GFI1B: variants seen among roughly 807,000 people sequenced by gnomAD.
The protein encoded by GFI1B is zinc finger protein Gfi-1b.
GFI1B carries 20 observed loss-of-function variants against 35.3 expected under a neutral mutation model. That is an observed-to-expected ratio of 0.57 (90% CI 0.40 to 0.82). GFI1B has a LOEUF of 0.82. GFI1B is among the 40% of genes least tolerant of loss of function. The pLI is 0.00. For synonymous variants in GFI1B, 178 were observed against 177.6 expected (o/e 1.00, Z -0.02); for missense variants, 430 against 446.3 (o/e 0.96, Z 0.33).
intron 1 of GFI1B, chr9:132,963,783 CA>C (rs1310513074): frequency 2.6e-5 from 4 of 151,584 alleles, no homozygotes; most frequent in Admixed American, 6.6e-5. Context: ...GGTTTTTGCC[CA>C]AAAGCCTCTC....
Position 132,987,386 on chromosome 9 carries a change from G to A in GFI1B, c.205G>A (p.Asp69Asn). 6.2e-7 allele frequency: 1 copy of A among 1,614,238 alleles called. No homozygotes were observed. Among genetic ancestry groups the A allele is most frequent in the Non-Finnish European group, 8.5e-7 (1 of 1,180,044 alleles). Residue 69 changes from aspartate (D) to asparagine (N), a missense_variant, in exon 3 of 7, where the codon GAC becomes AAC. By Grantham distance (23) the Asp-to-Asn change is conservative. Coordinates refer to ENST00000372122, the MANE Select transcript of GFI1B (RefSeq NM_001377304.1). ...NLKREPELEQ[D>N]QNLARMAPAP... ...CAAACGAGAGCCGGAGCTGGAGCAG[G>A]ACCAGAACTTGGCCAGGATGGCCCC...
chr9:132,989,870 G>A lies in GFI1B; in HGVS notation c.777G>A (p.Gln259=), dbSNP rs1356951856. 1 of 1,614,244 alleles carries A rather than the reference G, an allele frequency of 6.2e-7. No individual in the cohort carries two copies. The highest frequency in any genetic ancestry group is 1.1e-5 in the South Asian group (1 of 91,088). The change falls in exon 6 of 7, where the codon CAG becomes CAA. Residue 259 remains glutamine (Q), a synonymous_variant. Transcript: ENST00000372122. The surrounding 1 kb of genome is among the most constrained non-coding windows in gnomAD (Gnocchi z 6.2). Reference sequence around the variant, plus strand: ...AGTTCTGCGGCAAGCGTTTCCACCAGAAGTCCGACATGAAGAAGCACACCT... The same window carrying A: ...AGTTCTGCGGCAAGCGTTTCCACCAAAAGTCCGACATGAAGAAGCACACCT... The part of the protein sequence containing the change: ...PCQFCGKRFH[Q]KSDMKKHTYI...
rs1848345563 is a variant in GFI1B, at chr9:132,960,496, T to A, written c.-700-12229T>A. 1.3e-5 allele frequency among the ~76,000 whole-genome samples: 2 copies of A among 151,946 alleles called. 1 individual carries two copies. Among genetic ancestry groups the A allele is most frequent in the South Asian group, 4.1e-4 (2 of 4,828 alleles). On this transcript the variant is annotated intron_variant, in intron 1 of 10. Transcript: ENST00000339463. ...ATCTTGACATTGATGCCTGCCAATT[T>A]TATTTATTTATGTATTTATTGAGAC...
intron 1 of GFI1B, among the ~76,000 whole-genome samples, chr9:132,970,107 G>A (rs1270842426): frequency 6.6e-6 from 1 of 152,118 alleles, no homozygotes; most frequent in East Asian, 1.9e-4. Flanking sequence ...TTTCCTAAAT[G>A]GGTTTTTTAT....
intron 1 of GFI1B, chr9:132,963,628 C>T (rs1402272929): frequency 6.6e-5 from 10 of 151,922 alleles, no homozygotes; most frequent in African/African-American, 2.2e-4. Flanking sequence ...GCTAGGATTA[C>T]AGGTGTGAGC....
At chr9:132,986,280 C>T (rs942461552) in intron 1 of GFI1B, among the ~76,000 whole-genome samples, 21 of 147,822 alleles carry the variant, frequency 1.4e-4, no homozygotes, top group Non-Finnish European at 2.7e-4. Flanking sequence ...ATAGAAGCTC[C>T]GAGTTCTGGC....
At chr9:132,973,604 G>A (rs1848572193) in intron 2 of GFI1B, among the ~76,000 whole-genome samples, 1 of 152,228 alleles carries the variant, frequency 6.6e-6, no homozygotes, top group African/African-American at 2.4e-5. Flanking sequence ...GGATTGTGGG[G>A]CGTCTGGGAG....
In GFI1B at chr9:132,989,082, C is replaced by T; in HGVS notation, c.532C>T (p.Leu178Phe). Residue 178 changes from leucine (L) to phenylalanine (F), a missense_variant, in exon 5 of 7, where the codon CTC (leucine) becomes TTC (phenylalanine). Leu to Phe is a conservative substitution (Grantham distance 22, BLOSUM62 0). Coordinates refer to ENST00000372122, the MANE Select transcript of GFI1B (RefSeq NM_001377304.1). The surrounding 1 kb of genome is among the most constrained non-coding windows in gnomAD (Gnocchi z 6.2). ...CNKVFSTPHG[L>F]EVHVRRSHSG... is the part of the protein sequence containing the mutation. The stretch of plus-strand genomic sequence containing the variant: ...CCAGGTCTTCTCCACCCCTCACGGG[C>T]TCGAAGTGCATGTGCGACGCTCCCA... 2.5e-6 allele frequency: 4 copies of T among 1,614,078 alleles called. No individual in the cohort carries two copies. Among genetic ancestry groups the T allele is most frequent in the Admixed American group, 1.7e-5 (1 of 60,034 alleles).
At chr9:132,975,997 A>G (rs10121513), upstream of GFI1B, among the ~76,000 whole-genome samples, 40,794 of 152,044 alleles carry the variant, frequency 0.27, 5,939 homozygotes, top group East Asian at 0.49. Context: ...ATCAAGGGGA[A>G]CCTGGGTGGC....
chr9:132,958,366 G>A (rs1848314441), intron 1 of GFI1B, among the ~76,000 whole-genome samples: 1 of 152,148 alleles, frequency 6.6e-6, no homozygotes, highest in South Asian at 2.1e-4. Flanking sequence ...TCTGCAGGTT[G>A]TACAAGAACC....
At chr9:132,946,023 G>A (rs931833448) in intron 1 of GFI1B, among the ~76,000 whole-genome samples, 2 of 152,208 alleles carry the variant, frequency 1.3e-5, no homozygotes, top group Non-Finnish European at 2.9e-5. Context: ...CTGCTAGTCA[G>A]TATAGGGCCT....
At chr9:132,992,202 C>A (rs951512198), downstream of GFI1B, among the ~76,000 whole-genome samples, 38 of 152,240 alleles carry the variant, frequency 2.5e-4, no homozygotes, top group African/African-American at 8.9e-4. Context: ...CTGCCTCCAT[C>A]TCTGTCTTCT....
rs565835515 is a variant in GFI1B at position 132,957,894 on chromosome 9, G to A, written c.-701+12225G>A. 1.8e-4 allele frequency among the ~76,000 whole-genome samples: 28 copies of A among 152,284 alleles called. 1 individual carries two copies. The highest frequency in any genetic ancestry group is 5.5e-4 in the African/African-American group (23 of 41,570). ...CAACAGGCAACATGCATTGAGTACC[G>A]AACAGTTTCCTATGGTTTTGCGTGC... is the stretch of plus-strand genomic sequence containing the variant. On this transcript the variant is annotated intron_variant, in intron 1 of 10. Coordinates refer to the GFI1B transcript ENST00000339463.
intron 1 of GFI1B, 99 bp from the exon 2 acceptor site, chr9:132,986,560 C>A (rs1209684682): frequency 2.8e-6 from 2 of 723,604 alleles, no homozygotes; most frequent in South Asian, 1.5e-5. Flanking sequence ...ACTGTTCAAC[C>A]CAGTATAGCT....
intron 1 of GFI1B, among the ~76,000 whole-genome samples, chr9:132,960,611 C>G (rs1458633381): frequency 6.6e-6 from 1 of 152,048 alleles, no homozygotes; most frequent in Non-Finnish European, 1.5e-5. Context: ...GTCCTCCCAA[C>G]TCAGCCTCCC....
At chr9:132,971,908 A>G (rs1177041034) in intron 1 of GFI1B, among the ~76,000 whole-genome samples, 1 of 149,556 alleles carries the variant, frequency 6.7e-6, no homozygotes, top group African/African-American at 2.5e-5. Flanking sequence ...AGGGAGGCAG[A>G]GGTTGCAGTG....
upstream of GFI1B, among the ~76,000 whole-genome samples, chr9:132,974,463 T>G (rs989122800): frequency 6.6e-6 from 1 of 151,422 alleles, no homozygotes; most frequent in Non-Finnish European, 1.5e-5. Context: ...TTAGCCAGGC[T>G]TGGTGGCGGG....
intron 1 of GFI1B, among the ~76,000 whole-genome samples, chr9:132,969,127 C>G (rs1416183148): frequency 6.6e-6 from 1 of 152,200 alleles, no homozygotes; most frequent in Non-Finnish European, 1.5e-5. Context: ...CTCCCGGGTT[C>G]AAGCGCTTCT....
At chr9:132,945,783 C>G (rs1040221584) in intron 1 of GFI1B, 1 of 153,868 alleles carries the variant, frequency 6.5e-6, no homozygotes, top group African/African-American at 2.4e-5. Flanking sequence ...TAGAACCAGG[C>G]GAGGCGGCTC....
Sources: gnomAD v4.1 joint callset for allele counts (sites outside exome capture counted in the v4.1 genomes callset) on GRCh38, gnomAD v4.1.1 for gene constraint, Gnocchi (gnomAD v3.1) non-coding constraint, MANE v1.5 for transcripts, NCBI Gene and HGNC (gene_info 2026-07-23, HGNC 2026-07-21) for gene names.